DGKB: variants seen among roughly 807,000 people sequenced by gnomAD.
The protein encoded by DGKB is 90 kDa diacylglycerol kinase.
DGKB carries 67 observed loss-of-function variants against 114.3 expected under a neutral mutation model. That is an observed-to-expected ratio of 0.59 (90% CI 0.48 to 0.72). The LOEUF is 0.72. DGKB is among the 30% of genes least tolerant of loss of function. The pLI, the probability that DGKB is intolerant of heterozygous loss-of-function variation, is 0.00. For missense variants in DGKB, 907 were observed against 975.2 expected (o/e 0.93, Z 0.93); for synonymous variants, 398 against 323.1 (o/e 1.23, Z -2.49).
At chr7:14,683,763 A>G (rs1227775745) in intron 10 of DGKB, among the ~76,000 whole-genome samples, 3 of 152,160 alleles carry the variant, frequency 2.0e-5, no homozygotes. Flanking sequence ...ATATTTATAT[A>G]GTAAAACTCT....
chr7:14,195,905 T>A (rs532750201), intron 23 of DGKB, among the ~76,000 whole-genome samples: 2 of 152,274 alleles, frequency 1.3e-5, no homozygotes, highest in Non-Finnish European at 2.9e-5. Context: ...TATTTGAGGT[T>A]ATTGTGCATA....
At chr7:14,942,533 G>C (rs192569340) in intron 1 of DGKB, among the ~76,000 whole-genome samples, 8 of 152,004 alleles carry the variant, frequency 5.3e-5, no homozygotes, top group Non-Finnish European at 1.5e-5. Flanking sequence ...TGGCTTAATA[G>C]TGAGATATAT....
At position 14,961,647 on chromosome 7, in the gene DGKB, C is replaced by T. The variant is rs544964214; in HGVS notation, c.-188+13049G>A. Among the ~76,000 whole-genome samples, 4 of 152,272 alleles carry T rather than the reference C, an allele frequency of 2.6e-5. No individual in the cohort carries two copies. In the South Asian group the frequency reaches 8.3e-4, roughly 32 times the overall value. ...TGGCCACAGGAGATAATTGAGCAAA[C>T]TATGACACAAATGTCGGGCCATTTT... is the stretch of plus-strand genomic sequence containing the variant. On this transcript the variant is annotated intron_variant, in intron 1 of 4. Transcript: ENST00000437998.
At chr7:14,291,767 A>C (rs545732546) in intron 23 of DGKB, among the ~76,000 whole-genome samples, 1 of 152,306 alleles carries the variant, frequency 6.6e-6, no homozygotes, top group Middle Eastern at 3.4e-3. Context: ...TATTCAATGA[A>C]AGCAGAAAAT....
intron 1 of DGKB, among the ~76,000 whole-genome samples, chr7:14,894,784 A>C (rs183490785): frequency 6.6e-6 from 1 of 151,762 alleles, no homozygotes; most frequent in East Asian, 1.9e-4. Context: ...CTTCACTTTC[A>C]GAATATGTGG....
chr7:14,162,280 T>A (rs996958425), intron 25 of DGKB, among the ~76,000 whole-genome samples: 1 of 152,210 alleles, frequency 6.6e-6, no homozygotes, highest in African/African-American at 2.4e-5. Flanking sequence ...CTGTGCATTA[T>A]TATTCTGATG....
intron 21 of DGKB, among the ~76,000 whole-genome samples, chr7:14,372,433 A>G (rs1021792344): frequency 1.3e-5 from 2 of 152,124 alleles, no homozygotes; most frequent in Non-Finnish European, 2.9e-5. Context: ...TTTTTAATTT[A>G]TGGTGGGTTT....
intron 1 of DGKB, among the ~76,000 whole-genome samples, chr7:14,912,908 A>C (rs1784064915): frequency 6.6e-6 from 1 of 152,086 alleles, no homozygotes; most frequent in Non-Finnish European, 1.5e-5. Context: ...ATCCCTCATT[A>C]TTTTAAATGA....
intron 2 of DGKB, among the ~76,000 whole-genome samples, chr7:14,784,394 G>T (rs533851036): frequency 2.1e-5 from 3 of 142,318 alleles, no homozygotes; most frequent in South Asian, 2.2e-4. Context: ...TTGAGCTGGA[G>T]TCTCACTCTG....
chr7:14,952,768 A>AAAAAT (rs1020615065), intron 1 of DGKB, among the ~76,000 whole-genome samples: 2 of 152,082 alleles, frequency 1.3e-5, no homozygotes, highest in East Asian at 3.9e-4. Context: ...CAAAATCAAC[A>AAAAAT]AAAATAAAAT....
At chr7:14,284,889 A>T (rs1312076169) in intron 23 of DGKB, among the ~76,000 whole-genome samples, 1 of 148,246 alleles carries the variant, frequency 6.7e-6, no homozygotes, top group East Asian at 2.1e-4. Context: ...GAGGGATAGC[A>T]TTGGGAGATA....
chr7:14,867,798 T>C (rs756357826), intron 1 of DGKB, among the ~76,000 whole-genome samples: 5 of 152,152 alleles, frequency 3.3e-5, no homozygotes, highest in Non-Finnish European at 5.9e-5. Flanking sequence ...CCTTAGCATA[T>C]GCATGTAAAA....
At chr7:14,862,218 A>G (rs572342083) in intron 1 of DGKB, among the ~76,000 whole-genome samples, 2 of 152,162 alleles carry the variant, frequency 1.3e-5, no homozygotes, top group South Asian at 2.1e-4. Flanking sequence ...ATATGCATAC[A>G]CATAGTGAAA....
chr7:14,375,692 C>T (rs1350722351), intron 21 of DGKB, among the ~76,000 whole-genome samples: 2 of 152,168 alleles, frequency 1.3e-5, no homozygotes, highest in African/African-American at 4.8e-5. Context: ...AGATGCCTCA[C>T]GCTGGCATTT....
intron 20 of DGKB, among the ~76,000 whole-genome samples, chr7:14,488,258 T>A (rs967886099): frequency 6.6e-6 from 1 of 152,080 alleles, no homozygotes; most frequent in Non-Finnish European, 1.5e-5. Context: ...AAATTATAAA[T>A]CCCACTCTTG....
In DGKB at chr7:14,923,361, CTCTT is replaced by C. The variant is rs767839552; in HGVS notation, c.-188+51331_-188+51334del. Among the ~76,000 whole-genome samples the C allele has an allele frequency of 2.6e-5, 4 of 152,042 alleles. No individual in the cohort carries two copies. In the South Asian group the frequency reaches 6.2e-4, roughly 24 times the overall value. ...GAGCTCCAATCAGATATCTATGAGA[CTCTT>C]TCTATTTATTTTTATGAGATTGTCT... On this transcript the variant is annotated intron_variant, in intron 1 of 4. Transcript: ENST00000437998.
intron 21 of DGKB, among the ~76,000 whole-genome samples, chr7:14,353,885 C>A (rs1357430101): frequency 6.6e-6 from 1 of 152,146 alleles, no homozygotes; most frequent in Non-Finnish European, 1.5e-5. Flanking sequence ...ATCTGACTTG[C>A]TGTCCCCCTA....
Position 14,438,607 on chromosome 7 carries a change from G to A in DGKB, c.1835+39554C>T, listed in dbSNP as rs190108112. 2.5e-3 allele frequency among the ~76,000 whole-genome samples: 373 copies of A among 152,156 alleles called. 1 individual carries two copies. Among genetic ancestry groups the A allele is most frequent in the African/African-American group, 8.4e-3 (349 of 41,538 alleles). On this transcript the variant is annotated intron_variant, in intron 21 of 25. Coordinates refer to ENST00000402815, the MANE Select transcript of DGKB (RefSeq NM_001350709.2). ...CCTGGAGTGACAGAGGTTGGAGCGT[G>A]GGTGAGATTTCAATGAACTACATTT...
chr7:14,488,433 C>T (rs1352427375), intron 20 of DGKB, among the ~76,000 whole-genome samples: 1 of 151,908 alleles, frequency 6.6e-6, no homozygotes, highest in Non-Finnish European at 1.5e-5. Flanking sequence ...TAAAATGCTC[C>T]CTTAAATACA....
Sources: allele counts gnomAD v4.1 joint callset (sites outside exome capture counted in the v4.1 genomes callset), GRCh38; gene constraint gnomAD v4.1.1; transcripts MANE v1.5; gene names NCBI Gene and HGNC (gene_info 2026-07-23, HGNC 2026-07-21).